Variants in CUBN observed in about 807,000 individuals in gnomAD.
The protein encoded by CUBN is cubilin.
In CUBN, 282 loss-of-function variants were observed where a neutral mutation model predicts 405.3. That is an observed-to-expected ratio of 0.70 (90% confidence interval 0.63 to 0.77). The LOEUF is 0.77. CUBN is among the 30% of genes least tolerant of loss of function. CUBN has a pLI of 0.00. For missense variants in CUBN, 4,514 were observed against 4,475.2 expected (o/e 1.01, Z -0.25); for synonymous variants, 1,684 against 1,617.0 (o/e 1.04, Z -0.99).
chr10:17,003,521 T>C (rs1833943710), intron 28 of CUBN, among the ~76,000 whole-genome samples: 1 of 152,214 alleles, frequency 6.6e-6, no homozygotes, highest in Non-Finnish European at 1.5e-5. Flanking sequence ...GAACATTTTT[T>C]GTTCAATAAA....
chr10:17,061,916 A>C (rs1310761119), intron 22 of CUBN, among the ~76,000 whole-genome samples: 2 of 152,326 alleles, frequency 1.3e-5, no homozygotes, highest in South Asian at 2.1e-4. Context: ...GTTTAGTCTG[A>C]CTTTCAAACC....
At chr10:17,044,969 G>A (rs1835093719) in intron 25 of CUBN, 38 bp downstream of exon 25, 1 of 1,585,444 alleles carries the variant, frequency 6.3e-7, no homozygotes, top group Non-Finnish European at 8.7e-7. Context: ...TGGGTGAGAT[G>A]GGAGCAGGGA....
intron 57 of CUBN, among the ~76,000 whole-genome samples, chr10:16,875,597 T>C (rs1470078756): frequency 1.3e-5 from 2 of 152,234 alleles, no homozygotes; most frequent in African/African-American, 4.8e-5. Flanking sequence ...CCCAGGTCCA[T>C]CTGTAAAAGT....
chr10:16,991,329 A>T (rs1833580958), intron 28 of CUBN, among the ~76,000 whole-genome samples: 1 of 152,196 alleles, frequency 6.6e-6, no homozygotes, highest in East Asian at 1.9e-4. Flanking sequence ...TAAATGAGCA[A>T]ATCAGTGCAA....
chr10:16,888,291 A>G, intron 56 of CUBN, 126 bp downstream of exon 56: 3 of 766,514 alleles, frequency 3.9e-6, no homozygotes, highest in Non-Finnish European at 6.6e-6. Context: ...GTGAGTGAGC[A>G]GACATGTTAA....
intron 31 of CUBN, among the ~76,000 whole-genome samples, chr10:16,962,710 G>A (rs1687713): frequency 0.32 from 48,549 of 151,950 alleles, 8,154 homozygotes; most frequent in Middle Eastern, 0.44. Flanking sequence ...GCAAGGTGCC[G>A]TGTTCTGAGA....
intron 59 of CUBN, among the ~76,000 whole-genome samples, chr10:16,852,433 A>C (rs1386200093): frequency 0.011 from 475 of 43,622 alleles, no homozygotes; most frequent in Middle Eastern, 0.018. Context: ...CTATCTTTCC[A>C]TCCCTCCCTC....
chr10:17,068,621 GA>G lies in CUBN; in HGVS notation c.2774del (p.Phe925SerfsTer39). 1.2e-6 allele frequency: 2 copies of G among 1,612,626 alleles called. No individual in the cohort carries two copies. The highest frequency in any genetic ancestry group is 1.7e-6 in the Non-Finnish European group (2 of 1,179,182). ...STENHGFMAK[F>X]SAEDLACGEI... The stretch of plus-strand genomic sequence containing the variant: ...GTCTCTTACCCAAATCCTCAGCACT[GA>G]ACTTAGCCATGAAACCATGGTTTTC... On this transcript the variant is annotated frameshift_variant, in exon 20 of 67. Transcript: ENST00000377833. LOFTEE classifies it high-confidence loss of function.
At chr10:17,036,183 G>A (rs1054290770) in intron 27 of CUBN, among the ~76,000 whole-genome samples, 2 of 152,072 alleles carry the variant, frequency 1.3e-5, no homozygotes, top group African/African-American at 2.4e-5. Context: ...ATTTGCTGTC[G>A]AGCTCAAACA....
At chr10:17,127,257 T>C (rs1837217799) in intron 3 of CUBN, among the ~76,000 whole-genome samples, 1 of 113,640 alleles carries the variant, frequency 8.8e-6, no homozygotes, top group African/African-American at 3.4e-5. Flanking sequence ...TCTCTCTCTC[T>C]CTCTTTCTTT....
chr10:16,938,885 T>C, intron 38 of CUBN, 78 bp downstream of exon 38: 1 of 1,293,710 alleles, frequency 7.7e-7, no homozygotes, highest in Non-Finnish European at 1.1e-6. Context: ...AATGCTTGAA[T>C]AGACGTTACC....
At chr10:17,036,807 C>T (rs1834911988) in intron 27 of CUBN, among the ~76,000 whole-genome samples, 1 of 152,192 alleles carries the variant, frequency 6.6e-6, no homozygotes, top group South Asian at 2.1e-4. Context: ...ATTGATTTCT[C>T]TTTGCGGCAG....
chr10:17,023,092 G>A (rs1834543293), intron 27 of CUBN, among the ~76,000 whole-genome samples: 1 of 150,612 alleles, frequency 6.6e-6, no homozygotes, highest in African/African-American at 2.5e-5. Context: ...GTGACTTAAA[G>A]AGATTTCTTT....
intron 26 of CUBN, 35 bp downstream of exon 26, chr10:17,043,792 G>C (rs753092301): frequency 1.3e-6 from 2 of 1,584,258 alleles, no homozygotes; most frequent in Non-Finnish European, 1.7e-6. Flanking sequence ...TACTCTGCCA[G>C]TATACACACT....
At chr10:16,989,375 T>C (rs1054605331) in intron 29 of CUBN, among the ~76,000 whole-genome samples, 26 of 148,106 alleles carry the variant, frequency 1.8e-4, no homozygotes, top group Non-Finnish European at 2.2e-4. Flanking sequence ...TTAATTATTG[T>C]AATTATTAAT....
intron 59 of CUBN, among the ~76,000 whole-genome samples, chr10:16,863,934 T>C (rs1840088778): frequency 6.6e-6 from 1 of 152,182 alleles, no homozygotes; most frequent in South Asian, 2.1e-4. Context: ...GACCTAAATA[T>C]TGAGTGTGAT....
chr10:17,089,783 G>A (rs372405379), intron 14 of CUBN, among the ~76,000 whole-genome samples: 5 of 152,202 alleles, frequency 3.3e-5, no homozygotes, highest in East Asian at 1.9e-4. Context: ...AATACAATAC[G>A]ACAAGTGAAT....
intron 37 of CUBN, among the ~76,000 whole-genome samples, chr10:16,939,418 G>T (rs1236676688): frequency 6.6e-6 from 1 of 152,290 alleles, no homozygotes; most frequent in Middle Eastern, 3.4e-3. Context: ...TGGGGACATG[G>T]GAAGGTGGGG....
At chr10:17,043,457 G>A (rs1441961616) in intron 26 of CUBN, among the ~76,000 whole-genome samples, 5 of 152,140 alleles carry the variant, frequency 3.3e-5, no homozygotes, top group Admixed American at 3.3e-4. Flanking sequence ...CAATGTGTGA[G>A]GCAAATGAAA....
Sources: gnomAD v4.1 joint callset for allele counts (sites outside exome capture counted in the v4.1 genomes callset) on GRCh38, gnomAD v4.1.1 for gene constraint, MANE v1.5 for transcripts, NCBI Gene and HGNC (gene_info 2026-07-23, HGNC 2026-07-21) for gene names.